PCDHB12: variants seen among roughly 807,000 people sequenced by gnomAD.
PCDHB12 encodes protocadherin beta 12, also known as protocadherin beta-12.
For missense variants in PCDHB12, 1,192 were observed against 998.2 expected, an observed-to-expected ratio of 1.19 and a Z score of -2.62; for synonymous variants, 560 against 445.2, an observed-to-expected ratio of 1.26 and a Z score of -3.24.
Position 141,210,571 on chromosome 5 carries a change from A to G in PCDHB12, c.1664A>G (p.Asn555Ser). The G allele has an allele frequency of 1.9e-6, 3 of 1,611,678 alleles. No individual in the cohort carries two copies. Among genetic ancestry groups the G allele is most frequent in the Non-Finnish European group, 2.5e-6 (3 of 1,179,732 alleles). Residue 555 changes from asparagine (N) to serine (S), a missense_variant, in exon 1 of 1, where the codon AAC becomes AGC. Physicochemically the swap from Asn to Ser is conservative, Grantham distance 46 (BLOSUM62 1). Transcript: ENST00000239450. ...GTGCGCGTGCTGGTGCTGGACGCCA[A>G]CGACAACTCGCCCTTCGTGCTGTAC... ...ALVRVLVLDA[N>S]DNSPFVLYPL... is the part of the protein sequence containing the mutation.
At position 141,208,942 on chromosome 5, in the gene PCDHB12, G is replaced by C; in HGVS notation, c.35G>C (p.Arg12Thr). 1 of 1,544,594 alleles carries C rather than the reference G, an allele frequency of 6.5e-7. No individual in the cohort carries two copies. The highest frequency in any genetic ancestry group is 8.7e-7 in the Non-Finnish European group (1 of 1,150,336). The change falls in exon 1 of 1, where the codon AGG becomes ACG. Residue 12 changes from arginine to threonine, a missense_variant. Coordinates refer to ENST00000239450, the MANE Select transcript of PCDHB12 (RefSeq NM_018932.4). The stretch of plus-strand genomic sequence containing the variant: ...GGAGGGGCAGGCACTCTGCAGATAA[G>C]GCAAGTCCTGCTTTTCTTTGTTTTG... ...ENGGAGTLQI[R>T]QVLLFFVLLG...
In PCDHB12 at chr5:141,210,637, C is replaced by T. The variant is rs1554287004; in HGVS notation, c.1730C>T (p.Pro577Leu). Reference sequence around the variant, plus strand: ...TCCGCGCCCTGCACCGAGCTGGTGCCCTGGGCGGCCGAGCCGGGCTACCTG... The same window carrying T: ...TCCGCGCCCTGCACCGAGCTGGTGCTCTGGGCGGCCGAGCCGGGCTACCTG... Reference protein sequence around the residue: ...NGSAPCTELVPWAAEPGYLVT... With the variant: ...NGSAPCTELVLWAAEPGYLVT... Residue 577 changes from proline to leucine, a missense_variant, in exon 1 of 1, where the codon CCC becomes CTC. Physicochemically the swap from Pro to Leu is moderately conservative, Grantham distance 98 (BLOSUM62 -3). Coordinates refer to ENST00000239450, the MANE Select transcript of PCDHB12 (RefSeq NM_018932.4). 1 of 1,611,358 alleles carries T rather than the reference C, an allele frequency of 6.2e-7. No individual in the cohort carries two copies. The highest frequency in any genetic ancestry group is 1.3e-5 in the African/African-American group (1 of 74,992).
Position 141,211,019 on chromosome 5 carries a change from G to C in PCDHB12, c.2112G>C (p.Ser704=), listed in dbSNP as rs781820742. 3 of 1,611,888 alleles carry C rather than the reference G, an allele frequency of 1.9e-6. No homozygotes were observed. The highest frequency in any genetic ancestry group is 2.2e-5 in the East Asian group (1 of 44,872). The part of the protein sequence containing the change: ...LASVSSLFLF[S]VLLFVAVRLC... ...CAGTGTCGTCGCTCTTCCTCTTCTC[G>C]GTGCTCCTGTTCGTGGCGGTGCGGC... is the stretch of plus-strand genomic sequence containing the variant. The change falls in exon 1 of 1, where the codon TCG becomes TCC. Residue 704 remains serine (S), a synonymous_variant. Transcript: ENST00000239450.
chr5:141,211,073 C>A lies in PCDHB12; in HGVS notation c.2166C>A (p.Val722=). 2.5e-6 allele frequency: 4 copies of A among 1,613,466 alleles called. No homozygotes were observed. Among genetic ancestry groups the A allele is most frequent in the Non-Finnish European group, 3.4e-6 (4 of 1,180,016 alleles). The change falls in exon 1 of 1, where the codon GTC becomes GTA. Residue 722 remains valine (V), a synonymous_variant. Transcript: ENST00000239450. The part of the protein sequence containing the change: ...RLCRRSRAAP[V]GRCSVPEGPF... ...GCAGGAGGAGCAGGGCGGCCCCGGT[C>A]GGTCGCTGCTCGGTGCCTGAGGGCC...
rs1438240684 is a variant in PCDHB12, at chr5:141,211,245, G to A, written c.2338G>A (p.Gly780Ser). 4 of 1,606,640 alleles carry A rather than the reference G, an allele frequency of 2.5e-6. No individual in the cohort carries two copies. The African/African-American group carries it at 4.0e-5, about 16-fold the overall frequency. Residue 780 changes from glycine to serine, a missense_variant, in exon 1 of 1, where the codon GGT becomes AGT. Physicochemically the swap from Gly to Ser is moderately conservative, Grantham distance 56. Coordinates refer to ENST00000239450, the MANE Select transcript of PCDHB12 (RefSeq NM_018932.4). ...CCCCAACTTCCTACCCCAGAGCACA[G>A]GTAGTGAAGTCGAAGAAAATCCCCC... is the stretch of plus-strand genomic sequence containing the variant. ...IIPNFLPQST[G>S]SEVEENPPFQ... is the part of the protein sequence containing the mutation.
Position 141,211,670 on chromosome 5 carries a change from C to CT in PCDHB12, c.*380dup. ...TTCAGAAGCATAGATTGTAGTGTAC[C>CT]TTTTTAAACTTTATTTTTTTAAAAA... On this transcript the variant is annotated 3_prime_UTR_variant, in exon 1 of 1. Coordinates refer to ENST00000239450, the MANE Select transcript of PCDHB12 (RefSeq NM_018932.4). The CT allele has an allele frequency of 4.4e-6, 1 of 228,694 alleles. No homozygotes were observed. The highest frequency in any genetic ancestry group is 6.7e-5 in the South Asian group (1 of 14,816). The allele number at this position is 228,694 out of a possible 1,614,324, so 14.2% of individuals were successfully genotyped here. A position where few individuals can be genotyped will look rare whatever the true frequency, so the allele number is the denominator to read the frequency against.
chr5:141,210,408 G>A lies in PCDHB12; in HGVS notation c.1501G>A (p.Ala501Thr), dbSNP rs1373277709. ...GTCCCAGGACCCGCACCTGCCCCTCGCCTCCCTGGTCTCCATCAACGCGGA... is the reference window on the plus strand; with the variant it reads ...GTCCCAGGACCCGCACCTGCCCCTCACCTCCCTGGTCTCCATCAACGCGGA... ...LPSQDPHLPL[A>T]SLVSINADNG... The change falls in exon 1 of 1, where the codon GCC becomes ACC. Residue 501 changes from alanine to threonine, a missense_variant. Transcript: ENST00000239450. 8.7e-6 allele frequency: 14 copies of A among 1,613,018 alleles called. No homozygotes were observed. In the East Asian group the frequency reaches 8.9e-5, roughly 10 times the overall value.
rs782139470 is a variant in PCDHB12 at position 141,209,298 on chromosome 5, C to A, written c.391C>A (p.Pro131Thr). ...LQVRDINDHS[P>T]VFLEKEMLLE... Reference sequence around the variant, plus strand: ...GGTCAGGGATATAAATGATCACTCTCCCGTCTTCTTGGAAAAAGAAATGCT... The same window carrying A: ...GGTCAGGGATATAAATGATCACTCTACCGTCTTCTTGGAAAAAGAAATGCT... The change falls in exon 1 of 1, where the codon CCC (proline) becomes ACC (threonine). Residue 131 changes from proline to threonine, a missense_variant. Coordinates refer to ENST00000239450, the MANE Select transcript of PCDHB12 (RefSeq NM_018932.4). 38 of 1,614,164 alleles carry A rather than the reference C, an allele frequency of 2.4e-5. No homozygotes were observed. The South Asian group carries it at 4.0e-4, about 17-fold the overall frequency.
Position 141,209,153 on chromosome 5 carries a change from G to A in PCDHB12, c.246G>A (p.Gly82=), listed in dbSNP as rs781969581. The change falls in exon 1 of 1, where the codon GGG becomes GGA. Residue 82 remains glycine (G), a synonymous_variant. Coordinates refer to ENST00000239450, the MANE Select transcript of PCDHB12 (RefSeq NM_018932.4). ...KECLQLDTNT[G]DLLLREMLDR... Reference sequence around the variant, plus strand: ...GTTTGCAGCTGGACACAAACACTGGGGATTTGCTCCTGAGAGAAATGCTAG... The same window carrying A: ...GTTTGCAGCTGGACACAAACACTGGAGATTTGCTCCTGAGAGAAATGCTAG... 3.1e-6 allele frequency: 5 copies of A among 1,614,124 alleles called. No homozygotes were observed. The highest frequency in any genetic ancestry group is 4.2e-6 in the Non-Finnish European group (5 of 1,180,024).
chr5:141,209,370 G>A lies in PCDHB12; in HGVS notation c.463G>A (p.Glu155Lys). Residue 155 changes from glutamate to lysine, a missense_variant, in exon 1 of 1, where the codon GAA (glutamate) becomes AAA (lysine). Coordinates refer to ENST00000239450, the MANE Select transcript of PCDHB12 (RefSeq NM_018932.4). ...TCCTGTTGGTGCTGTGTTCTTGCTTGAAAGTGCAAAGGATTTAGATGTAGG... is the reference window on the plus strand; with the variant it reads ...TCCTGTTGGTGCTGTGTTCTTGCTTAAAAGTGCAAAGGATTTAGATGTAGG... The part of the protein sequence containing the change: ...NSPVGAVFLL[E>K]SAKDLDVGIN... 2.5e-6 allele frequency: 4 copies of A among 1,614,210 alleles called. No individual in the cohort carries two copies. The highest frequency in any genetic ancestry group is 3.4e-6 in the Non-Finnish European group (4 of 1,180,036).
At position 141,210,095 on chromosome 5, in the gene PCDHB12, G is replaced by C; in HGVS notation, c.1188G>C (p.Ser396=). 3 of 1,614,086 alleles carry C rather than the reference G, an allele frequency of 1.9e-6. No individual in the cohort carries two copies. The highest frequency in any genetic ancestry group is 1.7e-5 in the Admixed American group (1 of 60,008). ...ACATCCCATTCGTGCTAAAATCTTC[G>C]GTAAATAATTACTACACTTTGGAAA... is the stretch of plus-strand genomic sequence containing the variant. ...PEDIPFVLKS[S]VNNYYTLETE... is the part of the protein sequence containing the mutation. The change falls in exon 1 of 1, where the codon TCG becomes TCC. Residue 396 remains serine, a synonymous_variant. Coordinates refer to ENST00000239450, the MANE Select transcript of PCDHB12 (RefSeq NM_018932.4).
rs1449128159 is a variant in PCDHB12, at chr5:141,210,862, G to C, written c.1955G>C (p.Arg652Pro). 2 of 1,603,684 alleles carry C rather than the reference G, an allele frequency of 1.2e-6. No individual in the cohort carries two copies. The highest frequency in any genetic ancestry group is 2.7e-5 in the African/African-American group (2 of 74,852). Residue 652 changes from arginine (R) to proline (P), a missense_variant, in exon 1 of 1, where the codon CGC becomes CCC. Coordinates refer to ENST00000239450, the MANE Select transcript of PCDHB12 (RefSeq NM_018932.4). ...GTCAAGGACAATGGCGAGCCTCCGC[G>C]CTCGGCCACCGCCACGCTGCACGTG... The part of the protein sequence containing the change: ...VLVKDNGEPP[R>P]SATATLHVLL...
At position 141,212,350 on chromosome 5, in the gene PCDHB12, T is replaced by A. The variant is rs1157042334; in HGVS notation, c.*1055T>A. 6.5e-6 allele frequency: 1 copy of A among 154,840 alleles called. No individual in the cohort carries two copies. The highest frequency in any genetic ancestry group is 2.4e-5 in the African/African-American group (1 of 41,420). The allele number at this position is 154,840 out of a possible 1,614,324, so 9.6% of individuals were successfully genotyped here. On this transcript the variant is annotated 3_prime_UTR_variant, in exon 1 of 1. Coordinates refer to ENST00000239450, the MANE Select transcript of PCDHB12 (RefSeq NM_018932.4). The stretch of plus-strand genomic sequence containing the variant: ...TTCTTACCTATACTGCACTGCTGAA[T>A]CAGGAAAATTTAAGAAAAAGAATAG...
In PCDHB12 at chr5:141,211,429, T is replaced by C; in HGVS notation, c.*134T>C. 4 of 950,330 alleles carry C rather than the reference T, an allele frequency of 4.2e-6. No individual in the cohort carries two copies. The highest frequency in any genetic ancestry group is 6.6e-6 in the Non-Finnish European group (4 of 610,230). The allele number at this position is 950,330 out of a possible 1,614,324, so 58.9% of individuals were successfully genotyped here. A position where few individuals can be genotyped will look rare whatever the true frequency, so the allele number is the denominator to read the frequency against. On this transcript the variant is annotated 3_prime_UTR_variant, in exon 1 of 1. Coordinates refer to ENST00000239450, the MANE Select transcript of PCDHB12 (RefSeq NM_018932.4). Reference sequence around the variant, plus strand: ...AAGTCAAGAAATAAATTTCTTTACATAGAAAAGGATACAGATTTAGTACCA... The same window carrying C: ...AAGTCAAGAAATAAATTTCTTTACACAGAAAAGGATACAGATTTAGTACCA...
At position 141,210,686 on chromosome 5, in the gene PCDHB12, C is replaced by CGGT. The variant is rs1375503070; in HGVS notation, c.1781_1783dup (p.Gly594dup). The stretch of plus-strand genomic sequence containing the variant: ...TGGTGACCAAGGTGGTGGCGGTGGA[C>CGGT]GGTGACTCGGGCCAGAACGCCTGGC... On this transcript the variant is annotated inframe_insertion, in exon 1 of 1. Transcript: ENST00000239450. The CGGT allele has an allele frequency of 6.2e-7, 1 of 1,610,296 alleles. No individual in the cohort carries two copies. Among genetic ancestry groups the CGGT allele is most frequent in the Non-Finnish European group, 8.5e-7 (1 of 1,179,692 alleles).
In PCDHB12 at chr5:141,210,410, C is replaced by T. The variant is rs1324031721; in HGVS notation, c.1503C>T (p.Ala501=). 4.3e-6 allele frequency: 7 copies of T among 1,612,992 alleles called. No homozygotes were observed. The highest frequency in any genetic ancestry group is 4.0e-5 in the African/African-American group (3 of 74,922). The part of the protein sequence containing the change: ...LPSQDPHLPL[A]SLVSINADNG... ...CCCAGGACCCGCACCTGCCCCTCGC[C>T]TCCCTGGTCTCCATCAACGCGGACA... Residue 501 remains alanine (A), a synonymous_variant, in exon 1 of 1, where the codon GCC becomes GCT. Transcript: ENST00000239450.
chr5:141,210,127 G>GAC lies in PCDHB12; in HGVS notation c.1221_1222dup (p.Pro408HisfsTer25), dbSNP rs782226414. 3 of 1,614,198 alleles carry GAC rather than the reference G, an allele frequency of 1.9e-6. No individual in the cohort carries two copies. The highest frequency in any genetic ancestry group is 3.3e-5 in the Admixed American group (2 of 60,028). On this transcript the variant is annotated frameshift_variant, in exon 1 of 1. Coordinates refer to ENST00000239450, the MANE Select transcript of PCDHB12 (RefSeq NM_018932.4). LOFTEE classifies it low-confidence loss of function (END_TRUNC). The stretch of plus-strand genomic sequence containing the variant: ...AATTACTACACTTTGGAAACAGAGA[G>GAC]ACCGCTGGACAGAGAGAGCAGAGCC...
At position 141,209,453 on chromosome 5, in the gene PCDHB12, A is replaced by T; in HGVS notation, c.546A>T (p.Ile182=). ...INPNSHFHVK[I]RVNPDNRKYP... is the part of the protein sequence containing the mutation. Reference sequence around the variant, plus strand: ...CGAACTCTCATTTCCACGTTAAAATAAGAGTCAATCCAGACAATAGGAAAT... The same window carrying T: ...CGAACTCTCATTTCCACGTTAAAATTAGAGTCAATCCAGACAATAGGAAAT... Residue 182 remains isoleucine (I), a synonymous_variant, in exon 1 of 1, where the codon ATA becomes ATT. Coordinates refer to ENST00000239450, the MANE Select transcript of PCDHB12 (RefSeq NM_018932.4). 6.2e-7 allele frequency: 1 copy of T among 1,614,236 alleles called. No individual in the cohort carries two copies. The highest frequency in any genetic ancestry group is 8.5e-7 in the Non-Finnish European group (1 of 1,180,048).
chr5:141,212,557 GC>G lies in PCDHB12; in HGVS notation c.*1263del, dbSNP rs1186491029. ...AACTAGTGCCAGTAACTCTAATAAA[GC>G]TAGTATTACTGCATATCACTGGTGG... On this transcript the variant is annotated 3_prime_UTR_variant, in exon 1 of 1. Coordinates refer to ENST00000239450, the MANE Select transcript of PCDHB12 (RefSeq NM_018932.4). The G allele has an allele frequency of 6.6e-6, 1 of 152,084 alleles. No homozygotes were observed. Among genetic ancestry groups the G allele is most frequent in the Non-Finnish European group, 1.5e-5 (1 of 67,982 alleles). The allele number at this position is 152,084 out of a possible 1,614,324, so 9.4% of individuals were successfully genotyped here.
Sources: gnomAD v4.1 joint callset for allele counts on GRCh38, gnomAD v4.1.1 for gene constraint, MANE v1.5 for transcripts, NCBI Gene and HGNC (gene_info 2026-07-23, HGNC 2026-07-21) for gene names.